PDCD6: variants seen among roughly 807,000 people sequenced by gnomAD.
PDCD6 encodes the protein programmed cell death 6.
Under a neutral mutation model 28.3 loss-of-function variants are expected in PDCD6, and 12 were observed. That is an observed-to-expected ratio of 0.42 (90% CI 0.27 to 0.69). PDCD6 has a LOEUF of 0.69. PDCD6 is among the 30% of genes least tolerant of loss of function. The probability of loss-of-function intolerance (pLI) is 0.22; values close to 1 mark genes in which losing one functional copy is unlikely to be tolerated. For missense variants in PDCD6, 226 were observed against 269.9 expected, an observed-to-expected ratio of 0.84 and a Z score of 1.14; for synonymous variants, 92 against 108.0, an observed-to-expected ratio of 0.85 and a Z score of 0.92.
At position 271,757 on chromosome 5, in the gene PDCD6, G is replaced by A. The variant is rs1288123672; in HGVS notation, c.37G>A (p.Gly13Ser). The A allele has an allele frequency of 6.0e-6, 9 of 1,507,234 alleles. No homozygotes were observed. 93.4% of individuals were successfully genotyped at this position (1,507,234 alleles called of 1,614,324 possible). A position where few individuals can be genotyped will look rare whatever the true frequency, so the allele number is the denominator to read the frequency against. ...AYSYRPGPGA[G>S]PGPAAGAALP... ...CTCTTACCGCCCCGGCCCTGGGGCC[G>A]GCCCTGGGCCTGCTGCAGGCGCGGC... Residue 13 changes from glycine (G) to serine (S), a missense_variant, in exon 1 of 6, where the codon GGC (glycine) becomes AGC (serine). By Grantham distance (56) the Gly-to-Ser change is moderately conservative (BLOSUM62 0). Transcript: ENST00000264933.
At chr5:290,049 A>G (rs920264799) in intron 2 of PDCD6, 2 of 1,587,962 alleles carry the variant, frequency 1.3e-6, no homozygotes, top group African/African-American at 2.7e-5. Context: ...TGTTAAATCC[A>G]GTGACAATTC....
At chr5:301,107 G>C (rs1433922653) in intron 2 of PDCD6, among the ~76,000 whole-genome samples, 1 of 152,234 alleles carries the variant, frequency 6.6e-6, no homozygotes, top group Non-Finnish European at 1.5e-5. Context: ...ATCAGGACAC[G>C]TCACAGTGCA....
rs183201853 is a variant in PDCD6, at chr5:289,038, G to C, written c.164-15139G>C. 3.4e-3 allele frequency: 4,326 copies of C among 1,268,856 alleles called. 25 individuals are homozygous for C. The highest frequency in any genetic ancestry group is 0.01 in the Middle Eastern group (40 of 3,920). The allele number at this position is 1,268,856 out of a possible 1,614,324, so 78.6% of individuals were successfully genotyped here. On this transcript the variant is annotated intron_variant, in intron 2 of 5. Coordinates refer to ENST00000264933, the MANE Select transcript of PDCD6 (RefSeq NM_013232.4). Reference sequence around the variant, plus strand: ...ATCTTTCTCAGCTTGAGACACATCAGATTCCTCCATTTGATTATTTTCCTC... The same window carrying C: ...ATCTTTCTCAGCTTGAGACACATCACATTCCTCCATTTGATTATTTTCCTC...
At chr5:298,149 T>C (rs1308704958) in intron 2 of PDCD6, among the ~76,000 whole-genome samples, 1 of 152,078 alleles carries the variant, frequency 6.6e-6, no homozygotes, top group Admixed American at 6.5e-5. Flanking sequence ...ATTTCAGGGG[T>C]AATTCCCAGG....
At chr5:290,021 G>A in intron 2 of PDCD6, 1 of 1,599,564 alleles carries the variant, frequency 6.3e-7, no homozygotes, top group Non-Finnish European at 8.6e-7. Context: ...CATAGTCGCT[G>A]AATAGTAAAA....
At chr5:273,512 G>T (rs150464854) in intron 2 of PDCD6, 71 of 152,724 alleles carry the variant, frequency 4.6e-4, no homozygotes, top group African/African-American at 1.7e-3. Context: ...TTCTGATTCT[G>T]TGTATAGTTT....
rs1437133251 is a variant in PDCD6 at position 307,603 on chromosome 5, G to A, written c.367+843G>A. ...TTATTTACAGAGGAACAACGGGCAT[G>A]TTTGGGGCCAGCCTGAGGCTGTTGG... On this transcript the variant is annotated intron_variant, in intron 4 of 5. Transcript: ENST00000264933. This position sits in a 1 kb window ranked among gnomAD's most constrained non-coding sequence, Gnocchi z 6.1. Among the ~76,000 whole-genome samples, 14 of 152,178 alleles carry A rather than the reference G, an allele frequency of 9.2e-5. No individual in the cohort carries two copies.
chr5:294,791 T>C (rs1739502995), intron 2 of PDCD6, among the ~76,000 whole-genome samples: 1 of 152,084 alleles, frequency 6.6e-6, no homozygotes, highest in Non-Finnish European at 1.5e-5. Context: ...GAAAACAAAA[T>C]GTCCATCGGC....
intron 2 of PDCD6, among the ~76,000 whole-genome samples, chr5:279,712 G>A (rs1456990073): frequency 1.3e-5 from 2 of 148,676 alleles, no homozygotes; most frequent in Non-Finnish European, 3.0e-5. Flanking sequence ...TTCTAGAGGG[G>A]AAGGCAGATG....
At chr5:298,836 C>T (rs111217500) in intron 2 of PDCD6, among the ~76,000 whole-genome samples, 1 of 22,746 alleles carries the variant, frequency 4.4e-5, no homozygotes, top group East Asian at 9.6e-4. Flanking sequence ...GCTGCTCCCC[C>T]GCAGCTGCTC....
intron 2 of PDCD6, among the ~76,000 whole-genome samples, chr5:280,974 G>A (rs1181736551): frequency 3.3e-5 from 5 of 152,242 alleles, no homozygotes; most frequent in Non-Finnish European, 7.3e-5. Flanking sequence ...GTGTATTCTG[G>A]GAATCTCAAC....
intron 2 of PDCD6, among the ~76,000 whole-genome samples, chr5:302,233 C>T (rs1360705160): frequency 8.3e-6 from 1 of 120,422 alleles, no homozygotes; most frequent in Non-Finnish European, 1.7e-5. Context: ...TTCAGGTGCA[C>T]CTGCCTTTGT....
At chr5:299,794 C>T (rs1273620140) in intron 2 of PDCD6, among the ~76,000 whole-genome samples, 5 of 152,154 alleles carry the variant, frequency 3.3e-5, no homozygotes, top group Admixed American at 6.5e-5. Flanking sequence ...GGTGATCCGC[C>T]CGCCTTGGCC....
rs538903495 is a variant in PDCD6 at position 276,648 on chromosome 5, T to A, written c.163+3876T>A. 3.3e-5 allele frequency: 32 copies of A among 977,986 alleles called. No homozygotes were observed. The South Asian group carries it at 1.5e-3, about 45-fold the overall frequency. 60.6% of individuals were successfully genotyped at this position (977,986 alleles called of 1,614,324 possible). ...CCAGATTGGGCTTCTGTTTTGATAG[T>A]AGAACTAAATTATTAGGCTATTTCA... On this transcript the variant is annotated intron_variant, in intron 2 of 5. Coordinates refer to ENST00000264933, the MANE Select transcript of PDCD6 (RefSeq NM_013232.4).
rs1177335386 is a variant in PDCD6, at chr5:307,464, G to A, written c.367+704G>A. Among the ~76,000 whole-genome samples, 1 of 152,034 alleles carries A rather than the reference G, an allele frequency of 6.6e-6. No homozygotes were observed. The highest frequency in any genetic ancestry group is 1.5e-5 in the Non-Finnish European group (1 of 67,998). On this transcript the variant is annotated intron_variant, in intron 4 of 5. Transcript: ENST00000264933. This position sits in a 1 kb window ranked among gnomAD's most constrained non-coding sequence, Gnocchi z 6.1. Reference sequence around the variant, plus strand: ...GCTTGACGCGTGTGCACACACACATGTGACGGTGTGCCGTGGGTCTAGGAG... The same window carrying A: ...GCTTGACGCGTGTGCACACACACATATGACGGTGTGCCGTGGGTCTAGGAG...
intron 2 of PDCD6, among the ~76,000 whole-genome samples, chr5:291,008 C>T (rs1739280686): frequency 6.6e-6 from 1 of 152,152 alleles, no homozygotes; most frequent in Non-Finnish European, 1.5e-5. Flanking sequence ...ACACATTGGA[C>T]ACAGAGGACC....
chr5:303,178 G>A lies in PDCD6; in HGVS notation c.164-999G>A, dbSNP rs1395248104. Among the ~76,000 whole-genome samples the A allele has an allele frequency of 3.9e-5, 6 of 151,976 alleles. No homozygotes were observed. The East Asian group carries it at 1.2e-3, about 29-fold the overall frequency. On this transcript the variant is annotated intron_variant, in intron 2 of 5. Transcript: ENST00000264933. The stretch of plus-strand genomic sequence containing the variant: ...TGAGCCCAGAGTGGTGGCACGTAGA[G>A]GCCTAAGGGACCATGCCAGCAGACC...
chr5:299,456 C>A lies in PDCD6; in HGVS notation c.164-4721C>A, dbSNP rs530158553. 1.1e-3 allele frequency among the ~76,000 whole-genome samples: 171 copies of A among 151,274 alleles called. 4 individuals carry two copies. The highest frequency in any genetic ancestry group is 4.1e-3 in the African/African-American group (167 of 41,170). ...AATTTCTGTGCTGATCTCTCGTTCC[C>A]AAAACATCTTGGAATTATAAGAAAT... On this transcript the variant is annotated intron_variant, in intron 2 of 5. Transcript: ENST00000264933.
intron 2 of PDCD6, among the ~76,000 whole-genome samples, chr5:282,029 T>C (rs1258701297): frequency 1.4e-5 from 2 of 145,206 alleles, no homozygotes; most frequent in East Asian, 3.9e-4. Flanking sequence ...GCCCTGCAGC[T>C]GGAGATACAG....
Sources: allele counts gnomAD v4.1 joint callset (sites outside exome capture counted in the v4.1 genomes callset), GRCh38; gene constraint gnomAD v4.1.1; non-coding constraint Gnocchi (gnomAD v3.1); transcripts MANE v1.5; gene names NCBI Gene and HGNC (gene_info 2026-07-23, HGNC 2026-07-21).